The following SGCZ variants were observed in gnomAD, a reference collection of about 807,000 sequenced individuals.
SGCZ encodes the protein zeta-sarcoglycan.
Under a neutral mutation model 41.3 loss-of-function variants are expected in SGCZ, and 40 were observed. The ratio of observed to expected loss-of-function variants is 0.97; its 90% CI spans 0.75 to 1.26. SGCZ has a LOEUF of 1.26. SGCZ is among the 50% of genes most tolerant of loss of function. The pLI is 0.00. For missense variants in SGCZ, 552 were observed against 369.8 expected (o/e 1.49, Z -4.04); for synonymous variants, 206 against 137.5 (o/e 1.50, Z -3.49).
chr8:14,410,608 G>A (rs185227060), intron 2 of SGCZ, among the ~76,000 whole-genome samples: 21 of 151,970 alleles, frequency 1.4e-4, no homozygotes, highest in East Asian at 1.9e-4. Context: ...GGGGCCTGTC[G>A]TGGGGTGGTG....
intron 1 of SGCZ, among the ~76,000 whole-genome samples, chr8:14,674,014 C>A (rs367858985): frequency 1.3e-5 from 2 of 151,950 alleles, no homozygotes; most frequent in Admixed American, 6.6e-5. Flanking sequence ...TTAAAGTGAT[C>A]CACAAGATAA....
At chr8:15,006,939 G>T (rs761319017) in intron 1 of SGCZ, among the ~76,000 whole-genome samples, 1 of 152,170 alleles carries the variant, frequency 6.6e-6, no homozygotes, top group Non-Finnish European at 1.5e-5. Flanking sequence ...GGAGAACAGT[G>T]CTGTGCCATG....
chr8:14,501,967 A>G (rs1300178919), intron 2 of SGCZ, among the ~76,000 whole-genome samples: 1 of 152,162 alleles, frequency 6.6e-6, no homozygotes, highest in Non-Finnish European at 1.5e-5. Context: ...AGCGAAAAGT[A>G]TAATCCATAA....
intron 3 of SGCZ, among the ~76,000 whole-genome samples, chr8:14,272,354 T>A (rs1800093414): frequency 6.6e-6 from 1 of 152,170 alleles, no homozygotes; most frequent in Non-Finnish European, 1.5e-5. Context: ...ACAGGGTGAC[T>A]ATATGACGGA....
At chr8:14,746,394 A>G (rs1052089811) in intron 1 of SGCZ, among the ~76,000 whole-genome samples, 7 of 152,160 alleles carry the variant, frequency 4.6e-5, no homozygotes, top group African/African-American at 1.7e-4. Context: ...ATAATAGACA[A>G]GTCCACTATT....
chr8:14,369,006 C>T (rs931578787), intron 2 of SGCZ, among the ~76,000 whole-genome samples: 2 of 141,222 alleles, frequency 1.4e-5, no homozygotes, highest in African/African-American at 5.3e-5. Flanking sequence ...TGTCAGAAAA[C>T]AGAGGCAAAT....
At chr8:14,116,918 T>C (rs543842998) in intron 5 of SGCZ, among the ~76,000 whole-genome samples, 1 of 152,116 alleles carries the variant, frequency 6.6e-6, no homozygotes, top group African/African-American at 2.4e-5. Flanking sequence ...CTGTATATTT[T>C]TCTTAGAGGA....
At chr8:14,253,643 A>G (rs1314831487) in intron 3 of SGCZ, among the ~76,000 whole-genome samples, 6 of 152,134 alleles carry the variant, frequency 3.9e-5, no homozygotes, top group Non-Finnish European at 7.4e-5. Context: ...GAGAACTTCT[A>G]GTAAATTTGC....
intron 1 of SGCZ, among the ~76,000 whole-genome samples, chr8:14,928,034 A>T (rs1003607474): frequency 1.3e-5 from 2 of 152,180 alleles, no homozygotes; most frequent in African/African-American, 2.4e-5. Flanking sequence ...TTTGTCCAGC[A>T]TCTGCCAGAG....
intron 3 of SGCZ, among the ~76,000 whole-genome samples, chr8:14,259,853 C>T (rs1799593153): frequency 6.6e-6 from 1 of 151,754 alleles, no homozygotes; most frequent in South Asian, 2.1e-4. Context: ...TGAAGAAAGG[C>T]ATTGGTAGCT....
intron 1 of SGCZ, among the ~76,000 whole-genome samples, chr8:14,677,760 G>C (rs1482045191): frequency 7.2e-5 from 11 of 152,124 alleles, no homozygotes; most frequent in Admixed American, 7.2e-4. Flanking sequence ...AACAGAATGA[G>C]ACTCCGTCTA....
At chr8:14,766,346 C>T (rs900157736) in intron 1 of SGCZ, among the ~76,000 whole-genome samples, 1 of 151,826 alleles carries the variant, frequency 6.6e-6, no homozygotes, top group Non-Finnish European at 1.5e-5. Flanking sequence ...TATAGTTTAG[C>T]CAGATTGTAT....
chr8:14,178,168 G>C (rs57818049), intron 4 of SGCZ, among the ~76,000 whole-genome samples: 1 of 151,198 alleles, frequency 6.6e-6, no homozygotes, highest in African/African-American at 2.4e-5. Context: ...TGGCCAGGCT[G>C]GTCTCGAACT....
At chr8:14,843,024 C>T (rs566913135) in intron 1 of SGCZ, among the ~76,000 whole-genome samples, 192 of 152,262 alleles carry the variant, frequency 1.3e-3, no homozygotes, top group Non-Finnish European at 2.2e-3. Context: ...ACCAGCCTGG[C>T]CAAAGTGGTG....
intron 5 of SGCZ, among the ~76,000 whole-genome samples, chr8:14,123,819 A>T (rs1233783132): frequency 6.6e-6 from 1 of 152,186 alleles, no homozygotes; most frequent in Non-Finnish European, 1.5e-5. Context: ...GGTAATTCAG[A>T]TGACAAATGA....
chr8:14,310,988 G>A (rs897916971), intron 3 of SGCZ, among the ~76,000 whole-genome samples: 3 of 152,076 alleles, frequency 2.0e-5, no homozygotes, highest in Non-Finnish European at 4.4e-5. Flanking sequence ...GCTTTTCTGG[G>A]TTTGAGACTA....
Position 14,722,211 on chromosome 8 carries a change from G to A in SGCZ, c.40-167285C>T, listed in dbSNP as rs142159919. Reference sequence around the variant, plus strand: ...CTACCTCTAGAATTAAACCACATGAGGGCATATATTTATGTTTATTTAGTT... The same window carrying A: ...CTACCTCTAGAATTAAACCACATGAAGGCATATATTTATGTTTATTTAGTT... On this transcript the variant is annotated intron_variant, in intron 1 of 7. Coordinates refer to ENST00000382080, the MANE Select transcript of SGCZ (RefSeq NM_139167.4). Among the ~76,000 whole-genome samples, 53 of 151,874 alleles carry A rather than the reference G, an allele frequency of 3.5e-4. No individual in the cohort carries two copies. The Middle Eastern group carries it at 0.01, about 30-fold the overall frequency.
rs141978715 is a variant in SGCZ at position 14,983,849 on chromosome 8, A to T, written c.39+253736T>A. 8.5e-5 allele frequency among the ~76,000 whole-genome samples: 13 copies of T among 152,292 alleles called. No individual in the cohort carries two copies. The East Asian group carries it at 2.1e-3, about 25-fold the overall frequency. On this transcript the variant is annotated intron_variant, in intron 1 of 7. Transcript: ENST00000382080. ...TCATAATAAAGCCCAACTGCATTCT[A>T]TATCTATTATATCTTTTGAGTACCT...
chr8:14,554,681 G>C (rs1431764889), intron 2 of SGCZ, 51 bp downstream of exon 2: 2 of 1,468,458 alleles, frequency 1.4e-6, no homozygotes, highest in East Asian at 2.3e-5. Flanking sequence ...AACAGAGCTA[G>C]ATTGTCTCTG....
Sources: gnomAD v4.1 joint callset for allele counts (sites outside exome capture counted in the v4.1 genomes callset) on GRCh38, gnomAD v4.1.1 for gene constraint, MANE v1.5 for transcripts, NCBI Gene and HGNC (gene_info 2026-07-23, HGNC 2026-07-21) for gene names.